LRRC9: variants seen among roughly 807,000 people sequenced by gnomAD.
LRRC9 encodes the protein leucine rich repeat containing 9, also known as leucine-rich repeat-containing protein 9.
A neutral mutation model predicts 63.2 loss-of-function variants in LRRC9; 122 were observed. That is an observed-to-expected ratio of 1.93 (90% confidence interval 1.67 to 2.24). LRRC9 has a LOEUF of 2.24. Ranked by LOEUF, LRRC9 falls within the 30% of genes most tolerant of loss-of-function variation. The pLI, the probability that LRRC9 is intolerant of heterozygous loss-of-function variation, is 0.00. For synonymous variants in LRRC9, 366 were observed against 213.1 expected (o/e 1.72, Z -6.25); for missense variants, 1,071 against 627.7 (o/e 1.71, Z -7.55).
chr14:60,012,954 T>C (rs887335319), intron 23 of LRRC9, among the ~76,000 whole-genome samples: 53 of 151,424 alleles, frequency 3.5e-4, no homozygotes, highest in Middle Eastern at 3.4e-3. Flanking sequence ...ATTTATTTAT[T>C]TTTTTAATTT....
chr14:59,983,307 G>T (rs1344827440), intron 16 of LRRC9, among the ~76,000 whole-genome samples: 1 of 152,194 alleles, frequency 6.6e-6, no homozygotes, highest in Admixed American at 6.5e-5. Context: ...CAGAGGCCCT[G>T]TCCTGTGTCT....
intron 28 of LRRC9, chr14:60,030,395 A>T (rs1417676296): frequency 2.0e-5 from 3 of 152,126 alleles, no homozygotes; most frequent in Non-Finnish European, 4.4e-5. Context: ...GAAGAATCAC[A>T]GAAACACAAT....
At chr14:59,928,507 T>C in intron 3 of LRRC9, 21 bp downstream of exon 3, 2 of 596,208 alleles carry the variant, frequency 3.4e-6, no homozygotes, top group Non-Finnish European at 5.9e-6. Flanking sequence ...ACATAAAACC[T>C]CACATGGAGT....
intron 30 of LRRC9, among the ~76,000 whole-genome samples, chr14:60,056,400 T>G (rs548019308): frequency 4.6e-5 from 7 of 152,358 alleles, no homozygotes; most frequent in Middle Eastern, 3.4e-3. Context: ...TCTTTAAACA[T>G]TGGTTTAATT....
At chr14:60,049,637 C>G (rs1189144606) in intron 29 of LRRC9, among the ~76,000 whole-genome samples, 2 of 152,170 alleles carry the variant, frequency 1.3e-5, no homozygotes, top group Non-Finnish European at 2.9e-5. Context: ...GTCTGATGGG[C>G]TTCCCTTTGT....
At chr14:60,035,429 G>A (rs1001630714) in intron 29 of LRRC9, among the ~76,000 whole-genome samples, 2 of 152,120 alleles carry the variant, frequency 1.3e-5, no homozygotes, top group Non-Finnish European at 2.9e-5. Flanking sequence ...CCAAATCAAT[G>A]TCTTGGAGGA....
At chr14:60,007,566 T>C (rs1262080769) in intron 22 of LRRC9, among the ~76,000 whole-genome samples, 1 of 152,176 alleles carries the variant, frequency 6.6e-6, no homozygotes, top group Non-Finnish European at 1.5e-5. Context: ...TCCTGTTATA[T>C]CTATATAGAC....
intron 17 of LRRC9, among the ~76,000 whole-genome samples, chr14:59,991,734 G>C (rs1306741898): frequency 6.6e-6 from 1 of 152,128 alleles, no homozygotes; most frequent in Non-Finnish European, 1.5e-5. Context: ...CAAGCAGTCT[G>C]AGATCAAACT....
At chr14:60,015,119 T>C (rs1890572209) in intron 23 of LRRC9, among the ~76,000 whole-genome samples, 2 of 152,188 alleles carry the variant, frequency 1.3e-5, no homozygotes. Flanking sequence ...AATTCTAAAA[T>C]TTTCATTTCA....
intron 29 of LRRC9, among the ~76,000 whole-genome samples, chr14:60,043,834 G>A (rs1289799802): frequency 6.9e-6 from 1 of 144,188 alleles, no homozygotes. Context: ...AATGAGTTTG[G>A]AAGTATTCCT....
intron 4 of LRRC9, 23 bp from the exon 5 acceptor site, chr14:59,931,596 T>C (rs1889706119): frequency 2.9e-6 from 2 of 689,298 alleles, no homozygotes; most frequent in Admixed American, 2.1e-5. Flanking sequence ...CTGTTCTAAA[T>C]AATATGTTGT....
chr14:59,924,440 A>G (rs913110712), intron 1 of LRRC9, among the ~76,000 whole-genome samples: 23 of 152,144 alleles, frequency 1.5e-4, no homozygotes, highest in African/African-American at 4.8e-4. Context: ...GAATGGAGTA[A>G]AGATGAAATT....
chr14:60,006,606 C>A (rs1889828395), exon 22 of LRRC9: 1 of 672,252 alleles, frequency 1.5e-6, no homozygotes, highest in East Asian at 2.8e-5. Context: ...TCAGGAGATG[C>A]ACAATTTAAA....
chr14:59,956,880 G>A lies in LRRC9; in HGVS notation c.883-2938G>A, dbSNP rs375818706. On this transcript the variant is annotated intron_variant, in intron 8 of 31. Transcript: ENST00000445360. ...CTGTAAAGGATTTTATTTCTCCTTC[G>A]CTTATGAAGCTTAGTTTGGCTGGAT... Among the ~76,000 whole-genome samples the A allele has an allele frequency of 7.5e-4, 114 of 152,146 alleles. 2 individuals are homozygous for A. The highest frequency in any genetic ancestry group is 2.4e-3 in the African/African-American group (100 of 41,490).
intron 8 of LRRC9, among the ~76,000 whole-genome samples, chr14:59,956,751 G>C (rs553399875): frequency 6.6e-6 from 1 of 152,138 alleles, no homozygotes; most frequent in Admixed American, 6.5e-5. Context: ...TTTATATTTT[G>C]TTATGTTTTT....
chr14:59,969,833 G>A (rs926811502), intron 12 of LRRC9, among the ~76,000 whole-genome samples: 1 of 152,124 alleles, frequency 6.6e-6, no homozygotes, highest in Non-Finnish European at 1.5e-5. Context: ...AGAGTATCAC[G>A]TATTCACTTA....
chr14:59,990,419 T>C lies in LRRC9; in HGVS notation c.2211+5195T>C, dbSNP rs1887960420. On this transcript the variant is annotated intron_variant, in intron 17 of 31. Coordinates refer to ENST00000445360, the Ensembl canonical transcript of LRRC9. The surrounding 1 kb of genome is among the most constrained non-coding windows in gnomAD (Gnocchi z 4.2). ...TTCTTTTTTCTTTTTCTTTTTTCAT[T>C]TTTAGACAGGGTCTCACTCTGTCAC... Among the ~76,000 whole-genome samples, 1 of 152,084 alleles carries C rather than the reference T, an allele frequency of 6.6e-6. No homozygotes were observed. Among genetic ancestry groups the C allele is most frequent in the Admixed American group, 6.5e-5 (1 of 15,272 alleles).
intron 3 of LRRC9, 27 bp downstream of exon 3, chr14:59,928,513 G>A: frequency 3.4e-6 from 2 of 584,126 alleles, no homozygotes; most frequent in Non-Finnish European, 6.0e-6. Context: ...AACCTCACAT[G>A]GAGTATTTTA....
intron 29 of LRRC9, among the ~76,000 whole-genome samples, chr14:60,049,577 C>T (rs553034856): frequency 2.9e-4 from 44 of 152,128 alleles, no homozygotes; most frequent in Non-Finnish European, 5.7e-4. Flanking sequence ...TGAACATTGG[C>T]CCCCAGTCTC....
Sources: gnomAD v4.1 joint callset for allele counts (sites outside exome capture counted in the v4.1 genomes callset) on GRCh38, gnomAD v4.1.1 for gene constraint, Gnocchi (gnomAD v3.1) non-coding constraint, MANE v1.5 for transcripts, NCBI Gene and HGNC (gene_info 2026-07-23, HGNC 2026-07-21) for gene names.